RNF8: variants seen among roughly 807,000 people sequenced by gnomAD.
RNF8 encodes E3 ubiquitin-protein ligase RNF8.
Under a neutral mutation model 59.3 loss-of-function variants are expected in RNF8, and 8 were observed. The observed-to-expected ratio is 0.13, with a 90% CI of 0.08 to 0.24. RNF8 has a LOEUF of 0.24. RNF8 is among the 10% of genes least tolerant of loss of function. The probability of loss-of-function intolerance (pLI) is 1.00; values close to 1 mark genes in which losing one functional copy is unlikely to be tolerated. For missense variants in RNF8, 406 were observed against 572.6 expected, an observed-to-expected ratio of 0.71 and a Z score of 2.97; for synonymous variants, 162 against 200.0, an observed-to-expected ratio of 0.81 and a Z score of 1.60.
chr6:37,363,966 T>A (rs1018927566), intron 2 of RNF8, among the ~76,000 whole-genome samples: 1 of 151,786 alleles, frequency 6.6e-6, no homozygotes, highest in Admixed American at 6.6e-5. Flanking sequence ...GATCACGAGG[T>A]CAGGAGATCG....
At chr6:37,359,552 G>A (rs1769238989) in intron 1 of RNF8, among the ~76,000 whole-genome samples, 1 of 152,202 alleles carries the variant, frequency 6.6e-6, no homozygotes, top group South Asian at 2.1e-4. Context: ...CTAGCAAGAT[G>A]AAATTTAATA....
At chr6:37,379,587 CAG>C (rs1164372157) in intron 6 of RNF8, among the ~76,000 whole-genome samples, 2 of 152,178 alleles carry the variant, frequency 1.3e-5, no homozygotes, top group African/African-American at 4.8e-5. Flanking sequence ...AGGGATTACT[CAG>C]AGGAGCCCCA....
At position 37,360,840 on chromosome 6, in the gene RNF8, C is replaced by CT. The variant is rs1419756172; in HGVS notation, c.240+267dup. Among the ~76,000 whole-genome samples the CT allele has an allele frequency of 1.3e-5, 2 of 152,048 alleles. No individual in the cohort carries two copies. Among genetic ancestry groups the CT allele is most frequent in the Non-Finnish European group, 2.9e-5 (2 of 68,010 alleles). Reference sequence around the variant, plus strand: ...AGTAGGTCCTATTCCAGAAACTAGACTAAGTTACTGGGCAAATAAGCCTGT... The same window carrying CT: ...AGTAGGTCCTATTCCAGAAACTAGACTTAAGTTACTGGGCAAATAAGCCTGT... On this transcript the variant is annotated intron_variant, in intron 2 of 7. Coordinates refer to ENST00000373479, the MANE Select transcript of RNF8 (RefSeq NM_003958.4). This position sits in a 1 kb window ranked among gnomAD's most constrained non-coding sequence, Gnocchi z 4.2.
rs195420 is a variant in RNF8, at chr6:37,354,031, C to T, written c.-134C>T. ...AGGGCGGGCGAGCGGAGCCTGCTTT[C>T]GCAGCGATCGCGAGCGTGTGGCGAT... On this transcript the variant is annotated 5_prime_UTR_variant, in exon 1 of 8. Coordinates refer to ENST00000373479, the MANE Select transcript of RNF8 (RefSeq NM_003958.4). 4 of 789,350 alleles carry T rather than the reference C, an allele frequency of 5.1e-6. No homozygotes were observed. The highest frequency in any genetic ancestry group is 2.8e-5 in the East Asian group (1 of 35,208). 48.9% of individuals were successfully genotyped at this position (789,350 alleles called of 1,614,324 possible).
rs77440008 is a variant in RNF8 at position 37,371,591 on chromosome 6, A to G, written c.1038+17A>G. 20,458 of 1,608,972 alleles carry G rather than the reference A, an allele frequency of 0.013. 164 individuals carry two copies. Among genetic ancestry groups the G allele is most frequent in the Non-Finnish European group, 0.015 (17,094 of 1,175,554 alleles). Reference sequence around the variant, plus strand: ...CTGCAGGAGGTAACTTTGCCATAGTACTAAGATTATAGTGGGCTGTGGAGT... The same window carrying G: ...CTGCAGGAGGTAACTTTGCCATAGTGCTAAGATTATAGTGGGCTGTGGAGT... On this transcript the variant is annotated intron_variant, in intron 4 of 7. Coordinates refer to ENST00000373479, the MANE Select transcript of RNF8 (RefSeq NM_003958.4).
intron 7 of RNF8, among the ~76,000 whole-genome samples, chr6:37,387,285 T>C (rs1770543955): frequency 6.6e-6 from 1 of 152,230 alleles, no homozygotes; most frequent in Admixed American, 6.5e-5. Context: ...TTTGGACTGC[T>C]TTTACACTTG....
chr6:37,355,938 A>T (rs1769099458), intron 1 of RNF8, among the ~76,000 whole-genome samples: 1 of 152,192 alleles, frequency 6.6e-6, no homozygotes, highest in Admixed American at 6.5e-5. Context: ...ACATTACTTA[A>T]TCTGATCCCT....
chr6:37,360,834 A>T lies in RNF8; in HGVS notation c.240+260A>T, dbSNP rs966093545. On this transcript the variant is annotated intron_variant, in intron 2 of 7. Transcript: ENST00000373479. This position sits in a 1 kb window ranked among gnomAD's most constrained non-coding sequence, Gnocchi z 4.2. ...TGGGGTAGTAGGTCCTATTCCAGAA[A>T]CTAGACTAAGTTACTGGGCAAATAA... 3.3e-5 allele frequency among the ~76,000 whole-genome samples: 5 copies of T among 152,114 alleles called. No homozygotes were observed. The highest frequency in any genetic ancestry group is 1.2e-4 in the African/African-American group (5 of 41,430).
chr6:37,354,286 AG>A lies in RNF8; in HGVS notation c.111+15del, dbSNP rs1769025388. The A allele has an allele frequency of 1.3e-6, 2 of 1,546,010 alleles. No homozygotes were observed. The highest frequency in any genetic ancestry group is 1.7e-6 in the Non-Finnish European group (2 of 1,149,692). ...GAAGATGGGTGCGAGGTACGGGGGA[AG>A]GGGTCCTGTGGAGCGGAGGGCAGGG... On this transcript the variant is annotated intron_variant, in intron 1 of 7. Transcript: ENST00000373479.
chr6:37,361,494 AAAG>A (rs1246729911), intron 2 of RNF8: 4 of 369,188 alleles, frequency 1.1e-5, no homozygotes, highest in East Asian at 7.4e-5. Flanking sequence ...ATCAAAAAGA[AAAG>A]AAGATACCTA....
intron 1 of RNF8, among the ~76,000 whole-genome samples, chr6:37,354,713 G>A (rs988375299): frequency 6.6e-6 from 1 of 150,744 alleles, no homozygotes; most frequent in African/African-American, 2.4e-5. Context: ...ATGCGGGGGT[G>A]TCGAGGAGGG....
At chr6:37,381,712 G>GA (rs1482125368) in intron 7 of RNF8, among the ~76,000 whole-genome samples, 2 of 152,184 alleles carry the variant, frequency 1.3e-5, no homozygotes, top group Non-Finnish European at 2.9e-5. Context: ...TCCAGGTGTT[G>GA]AAAAAACCTT....
At position 37,392,377 on chromosome 6, in the gene RNF8, T is replaced by C. The variant is rs1770750680; in HGVS notation, c.*1619T>C. The C allele has an allele frequency of 2.5e-6, 1 of 398,328 alleles. No homozygotes were observed. The highest frequency in any genetic ancestry group is 2.1e-5 in the African/African-American group (1 of 48,636). The allele number at this position is 398,328 out of a possible 1,614,324, so 24.7% of individuals were successfully genotyped here. ...AGACATACACTTTTTGAGTAGGCAA[T>C]ATGTTCACATAGTTTGAAATTAAAG... On this transcript the variant is annotated 3_prime_UTR_variant, in exon 8 of 8. Transcript: ENST00000373479.
chr6:37,354,756 C>T (rs1167460413), intron 1 of RNF8, among the ~76,000 whole-genome samples: 2 of 137,344 alleles, frequency 1.5e-5, no homozygotes, highest in Non-Finnish European at 3.0e-5. Flanking sequence ...CCGTTTAGGG[C>T]GCACAGAGCC....
intron 7 of RNF8, among the ~76,000 whole-genome samples, chr6:37,386,018 T>A (rs2113834559): frequency 6.6e-6 from 1 of 152,176 alleles, no homozygotes; most frequent in South Asian, 2.1e-4. Flanking sequence ...GTATTTTTTG[T>A]AGAGATGGGA....
intron 2 of RNF8, among the ~76,000 whole-genome samples, chr6:37,362,876 T>C (rs373968185): frequency 6.6e-6 from 1 of 152,150 alleles, no homozygotes; most frequent in East Asian, 1.9e-4. Flanking sequence ...TGGCTTAAAA[T>C]ATAGAAAAAA....
At position 37,376,912 on chromosome 6, in the gene RNF8, T is replaced by C. The variant is rs1311968575; in HGVS notation, c.1129-14T>C. ...TGGTTCTCTGAATGACAGGTAGGAT[T>C]GTGTGTCTTGCAGGAAGAGAAGGAG... is the stretch of plus-strand genomic sequence containing the variant. On this transcript the variant is annotated splice_polypyrimidine_tract_variant and intron_variant, in intron 5 of 7. Transcript: ENST00000373479. 15 of 1,587,788 alleles carry C rather than the reference T, an allele frequency of 9.4e-6. No homozygotes were observed. Among genetic ancestry groups the C allele is most frequent in the Non-Finnish European group, 9.5e-6 (11 of 1,156,450 alleles).
chr6:37,367,105 G>T (rs749874232), intron 2 of RNF8, among the ~76,000 whole-genome samples: 8 of 152,202 alleles, frequency 5.3e-5, no homozygotes, highest in South Asian at 2.1e-4. Flanking sequence ...TGATGAATCA[G>T]TTGAACCAAG....
At chr6:37,377,538 C>T (rs567670928) in intron 6 of RNF8, among the ~76,000 whole-genome samples, 2 of 152,306 alleles carry the variant, frequency 1.3e-5, no homozygotes, top group South Asian at 4.1e-4. Context: ...TTATAATCTT[C>T]TTTCCCTTCA....
Sources: gnomAD v4.1 joint callset for allele counts (sites outside exome capture counted in the v4.1 genomes callset) on GRCh38, gnomAD v4.1.1 for gene constraint, Gnocchi (gnomAD v3.1) non-coding constraint, MANE v1.5 for transcripts, NCBI Gene and HGNC (gene_info 2026-07-23, HGNC 2026-07-21) for gene names.